SNX13: variants seen among roughly 807,000 people sequenced by gnomAD.
SNX13 encodes sorting nexin-13.
Under a neutral mutation model 133.6 loss-of-function variants are expected in SNX13, and 45 were observed. The ratio of observed to expected loss-of-function variants is 0.34; its 90% CI spans 0.27 to 0.43. The LOEUF (loss-of-function observed/expected upper bound fraction) is 0.43, where lower values mean the gene tolerates loss of function less well. Ranked by LOEUF, SNX13 falls within the 20% of genes least tolerant of loss-of-function variation. The pLI is 1.00. For missense variants in SNX13, 1,032 were observed against 1,145.1 expected (o/e 0.90, Z 1.43); for synonymous variants, 414 against 373.9 (o/e 1.11, Z -1.24).
chr7:17,857,831 A>G (rs1394444247), intron 9 of SNX13, among the ~76,000 whole-genome samples: 1 of 152,138 alleles, frequency 6.6e-6, no homozygotes, highest in African/African-American at 2.4e-5. Flanking sequence ...ATTCACCATG[A>G]TTAAGTGGGT....
intron 20 of SNX13, among the ~76,000 whole-genome samples, chr7:17,814,523 T>C (rs1397335265): frequency 6.6e-6 from 1 of 152,126 alleles, no homozygotes; most frequent in Non-Finnish European, 1.5e-5. Flanking sequence ...AATGACATTT[T>C]CTCTCAGAAT....
At chr7:17,879,189 T>A (rs986304700) in intron 5 of SNX13, among the ~76,000 whole-genome samples, 6 of 152,228 alleles carry the variant, frequency 3.9e-5, no homozygotes, top group African/African-American at 1.4e-4. Context: ...TGTCTGTTTT[T>A]TTGTTTGTTC....
chr7:17,850,436 C>A lies in SNX13; in HGVS notation c.977-1G>T. On this transcript the variant is annotated splice_acceptor_variant, in intron 10 of 25. Coordinates refer to ENST00000428135, the MANE Select transcript of SNX13 (RefSeq NM_015132.5). LOFTEE classifies it high-confidence loss of function. ...ATTTGATTTTTGATAGTGTTGATAT[C>A]TAAAAGCAAAGAAATCATGAACTAG... 6.5e-7 allele frequency: 1 copy of A among 1,535,852 alleles called. No homozygotes were observed. Among genetic ancestry groups the A allele is most frequent in the Admixed American group, 2.0e-5 (1 of 50,340 alleles).
chr7:17,804,928 A>C (rs1785018223), intron 20 of SNX13, among the ~76,000 whole-genome samples: 1 of 152,162 alleles, frequency 6.6e-6, no homozygotes, highest in Non-Finnish European at 1.5e-5. Flanking sequence ...ATCAAGAAAA[A>C]CTAGAAGAGG....
In SNX13 at chr7:17,791,234, A is replaced by T. The variant is rs1433794078; in HGVS notation, c.*2811T>A. 1 of 151,966 alleles carries T rather than the reference A, an allele frequency of 6.6e-6. No individual in the cohort carries two copies. The highest frequency in any genetic ancestry group is 1.5e-5 in the Non-Finnish European group (1 of 67,894). 9.4% of individuals were successfully genotyped at this position (151,966 alleles called of 1,614,324 possible). ...AAATGAAAATATTGCACAAAATTAA[A>T]ATTTTAGATTGTGAAATTTATATCA... On this transcript the variant is annotated 3_prime_UTR_variant, in exon 26 of 26. Transcript: ENST00000428135.
In SNX13 at chr7:17,850,803, CTTAAA is replaced by C. The variant is rs773511401; in HGVS notation, c.976+18_976+22del. ...AAAATAATACTTCAAAAAAATATATCTTAAATTAAATACATTACTTACCATCACCA... is the reference window on the plus strand; with the variant it reads ...AAAATAATACTTCAAAAAAATATATCTTAAATACATTACTTACCATCACCA... On this transcript the variant is annotated intron_variant, in intron 10 of 25. Coordinates refer to ENST00000428135, the MANE Select transcript of SNX13 (RefSeq NM_015132.5). The C allele has an allele frequency of 1.2e-5, 18 of 1,498,110 alleles. No individual in the cohort carries two copies. Among genetic ancestry groups the C allele is most frequent in the African/African-American group, 5.7e-5 (4 of 70,282 alleles). The allele number at this position is 1,498,110 out of a possible 1,614,324, so 92.8% of individuals were successfully genotyped here.
intron 18 of SNX13, among the ~76,000 whole-genome samples, chr7:17,820,441 G>A (rs1007144748): frequency 3.9e-5 from 6 of 151,992 alleles, no homozygotes; most frequent in African/African-American, 1.2e-4. Flanking sequence ...AACAAATCAA[G>A]CTAAACATGA....
intron 13 of SNX13, among the ~76,000 whole-genome samples, chr7:17,835,981 T>A (rs1019098442): frequency 6.6e-6 from 1 of 151,896 alleles, no homozygotes; most frequent in Non-Finnish European, 1.5e-5. Flanking sequence ...GAATATGATG[T>A]TACTTGGTTT....
At chr7:17,805,035 C>G (rs767608784) in intron 20 of SNX13, among the ~76,000 whole-genome samples, 2 of 152,096 alleles carry the variant, frequency 1.3e-5, no homozygotes, top group Non-Finnish European at 2.9e-5. Flanking sequence ...GCCAATAGTA[C>G]CATAGATATG....
chr7:17,824,626 AC>A (rs1787669075), intron 17 of SNX13, among the ~76,000 whole-genome samples: 1 of 151,680 alleles, frequency 6.6e-6, no homozygotes, highest in African/African-American at 2.4e-5. Flanking sequence ...TTTTTTTTTA[AC>A]TAAATCTTAA....
At chr7:17,809,350 C>T (rs1010559211) in intron 20 of SNX13, among the ~76,000 whole-genome samples, 1 of 136,848 alleles carries the variant, frequency 7.3e-6, no homozygotes, top group African/African-American at 2.7e-5. Flanking sequence ...AGACTTTAAA[C>T]CAACAAAGAC....
chr7:17,907,558 G>T (rs1461913407), intron 1 of SNX13, among the ~76,000 whole-genome samples: 1 of 152,082 alleles, frequency 6.6e-6, no homozygotes, highest in Non-Finnish European at 1.5e-5. Context: ...CTGGAATCAG[G>T]AATCGGTGGA....
chr7:17,938,997 T>C (rs2064274815), intron 1 of SNX13, among the ~76,000 whole-genome samples: 1 of 152,164 alleles, frequency 6.6e-6, no homozygotes, highest in Non-Finnish European at 1.5e-5. Context: ...AATTTAGAAA[T>C]ATAAAATGAA....
intron 2 of SNX13, among the ~76,000 whole-genome samples, chr7:17,895,202 T>C (rs1290482975): frequency 6.6e-6 from 1 of 152,174 alleles, no homozygotes; most frequent in Non-Finnish European, 1.5e-5. Flanking sequence ...TAAAGAGCAG[T>C]CTGATTTTAA....
intron 20 of SNX13, among the ~76,000 whole-genome samples, chr7:17,813,314 G>A (rs1448060965): frequency 6.6e-6 from 1 of 152,130 alleles, no homozygotes; most frequent in Non-Finnish European, 1.5e-5. Flanking sequence ...ACACTAAAAT[G>A]CATCTCTAGT....
At position 17,801,619 on chromosome 7, in the gene SNX13, T is replaced by C. The variant is rs375657290; in HGVS notation, c.2267A>G (p.His756Arg). Reference protein sequence around the residue: ...LIPKTDSDPEHRRVSAQLDDN... With the variant: ...LIPKTDSDPERRRVSAQLDDN... ...GTCAAGTTGAGCCGAAACTCGGCGATGTTCAGGGTCTGAATCAGTCTTAGG... is the reference window on the plus strand; with the variant it reads ...GTCAAGTTGAGCCGAAACTCGGCGACGTTCAGGGTCTGAATCAGTCTTAGG... Residue 756 changes from histidine (H) to arginine (R), a missense_variant, in exon 22 of 26, where the codon CAT becomes CGT. Coordinates refer to ENST00000428135, the MANE Select transcript of SNX13 (RefSeq NM_015132.5). 5.6e-6 allele frequency: 9 copies of C among 1,609,502 alleles called. No individual in the cohort carries two copies. The highest frequency in any genetic ancestry group is 2.2e-5 in the East Asian group (1 of 44,804).
intron 3 of SNX13, among the ~76,000 whole-genome samples, chr7:17,892,967 T>G (rs1165970599): frequency 6.6e-6 from 1 of 152,204 alleles, no homozygotes; most frequent in East Asian, 1.9e-4. Context: ...TATCCATTTT[T>G]TCCTCTGATT....
intron 19 of SNX13, among the ~76,000 whole-genome samples, chr7:17,815,850 G>C (rs1373985799): frequency 1.3e-5 from 2 of 152,068 alleles, no homozygotes; most frequent in Non-Finnish European, 2.9e-5. Flanking sequence ...TCAAAATCTT[G>C]TAAATACATG....
At chr7:17,835,356 A>C (rs17138306) in intron 13 of SNX13, among the ~76,000 whole-genome samples, 17,802 of 151,848 alleles carry the variant, frequency 0.12, 1,181 homozygotes, top group African/African-American at 0.16. Context: ...AAACCTTTTG[A>C]ATGTCCTTTA....
Sources: gnomAD v4.1 joint callset for allele counts (sites outside exome capture counted in the v4.1 genomes callset) on GRCh38, gnomAD v4.1.1 for gene constraint, MANE v1.5 for transcripts, NCBI Gene and HGNC (gene_info 2026-07-23, HGNC 2026-07-21) for gene names.